Variants in ATP7A observed in about 807,000 individuals in gnomAD.
ATP7A encodes copper-transporting ATPase 1.
ATP7A carries 7 observed loss-of-function variants against 83.5 expected under a neutral mutation model. The observed-to-expected ratio is 0.08, with a 90% CI of 0.05 to 0.16. ATP7A has a LOEUF of 0.16. Among genes scored for constraint, ATP7A ranks in the 10% least tolerant of loss-of-function variants. ATP7A has a pLI of 1.00. For synonymous variants in ATP7A, 354 were observed against 395.2 expected (o/e 0.90, Z 1.24); for missense variants, 940 against 1,120.8 (o/e 0.84, Z 2.30).
intron 2 of ATP7A, chrX:77,975,481 CTTTTTTTTTTTT>C (rs5902757): frequency 1.8e-5 from 1 of 54,798 alleles, no homozygotes; most frequent in African/African-American, 8.5e-5. Context: ...ATTATGCTTA[CTTTTTTTTTTTT>C]TTTTTTTTTT....
chrX:77,981,600 A>G (rs782781028), intron 2 of ATP7A, among the ~76,000 whole-genome samples: 4 of 111,827 alleles, frequency 3.6e-5, no homozygotes, highest in African/African-American at 6.5e-5. Context: ...GCTTGAGACC[A>G]GGAGTTTGAG....
At chrX:77,939,803 G>A (rs1327109152) in intron 1 of ATP7A, among the ~76,000 whole-genome samples, 1 of 108,703 alleles carries the variant, frequency 9.2e-6, no homozygotes, top group East Asian at 2.9e-4. Context: ...TAATCATCTA[G>A]ACAATATAAT....
rs782323741 is a variant in ATP7A, at chrX:78,040,722, A to G, written c.3790A>G (p.Ile1264Val). The change falls in exon 19 of 23, where the codon ATT becomes GTT. Residue 1264 changes from isoleucine (I) to valine (V), a missense_variant. Coordinates refer to ENST00000341514, the MANE Select transcript of ATP7A (RefSeq NM_000052.7). ...AGACAACAGTAAAACAGCTAGATCTATTGCTTCTCAGGTAATTGATAGGGG... is the reference window on the plus strand; with the variant it reads ...AGACAACAGTAAAACAGCTAGATCTGTTGCTTCTCAGGTAATTGATAGGGG... ...TGDNSKTARS[I>V]ASQVGITKVF... 1.3e-5 allele frequency: 16 copies of G among 1,208,859 alleles called. No homozygotes were observed. Among genetic ancestry groups the G allele is most frequent in the African/African-American group, 5.2e-5 (3 of 57,151 alleles).
intron 2 of ATP7A, 47 bp downstream of exon 2, chrX:77,971,808 T>G (rs1407364526): frequency 8.4e-7 from 1 of 1,187,700 alleles, no homozygotes; most frequent in Non-Finnish European, 1.1e-6. Context: ...TGAAGAGAAT[T>G]CTACTAGAAA....
intron 1 of ATP7A, among the ~76,000 whole-genome samples, chrX:77,953,571 A>C (rs1458214767): frequency 5.3e-5 from 6 of 112,300 alleles, no homozygotes; most frequent in Middle Eastern, 4.2e-3. Context: ...CACACTAAAA[A>C]CATGTTTCTA....
At chrX:78,033,360 C>T (rs1471379558) in intron 16 of ATP7A, among the ~76,000 whole-genome samples, 2 of 112,737 alleles carry the variant, frequency 1.8e-5, no homozygotes, top group African/African-American at 6.4e-5. Flanking sequence ...CCGGCTTCTT[C>T]AGCTGGGATT....
rs782104015 is a variant in ATP7A, at chrX:78,012,948, G to A, written c.2242G>A (p.Val748Ile). ...GAAGCATAAGACAGCAAATATGGAC[G>A]TACTGATTGTGCTGGCAACCACCAT... Reference protein sequence around the residue: ...ALKHKTANMDVLIVLATTIAF... With the variant: ...ALKHKTANMDILIVLATTIAF... Residue 748 changes from valine to isoleucine, a missense_variant, in exon 10 of 23, where the codon GTA becomes ATA. By Grantham distance (29) the Val-to-Ile change is conservative (BLOSUM62 3). Transcript: ENST00000341514. 15 of 1,209,704 alleles carry A rather than the reference G, an allele frequency of 1.2e-5. No individual in the cohort carries two copies. Among genetic ancestry groups the A allele is most frequent in the African/African-American group, 8.8e-5 (5 of 57,121 alleles).
At chrX:77,988,148 T>G in intron 2 of ATP7A, 94 bp from the exon 3 acceptor site, 1 of 960,156 alleles carries the variant, frequency 1.0e-6, no homozygotes, top group Non-Finnish European at 1.4e-6. Flanking sequence ...GATTGAGTTG[T>G]CTCACTCTTC....
rs782008914 is a variant in ATP7A at position 78,049,279 on chromosome X, CA to C, written c.*2710del. 1.8e-5 allele frequency: 2 copies of C among 111,800 alleles called. No individual in the cohort carries two copies. The highest frequency in any genetic ancestry group is 3.8e-5 in the Non-Finnish European group (2 of 53,026). The allele number at this position is 111,800 out of a possible 1,213,427, so 9.2% of individuals were successfully genotyped here. A position where few individuals can be genotyped will look rare whatever the true frequency, so the allele number is the denominator to read the frequency against. On this transcript the variant is annotated 3_prime_UTR_variant, in exon 23 of 23. Transcript: ENST00000341514. ...ATTCACATACATATATATATACACACATATATATGTACATACACATACATAC... is the reference window on the plus strand; with the variant it reads ...ATTCACATACATATATATATACACACTATATATGTACATACACATACATAC...
At chrX:77,948,939 T>A (rs1438428573) in intron 1 of ATP7A, among the ~76,000 whole-genome samples, 2 of 111,356 alleles carry the variant, frequency 1.8e-5, no homozygotes, top group Non-Finnish European at 3.8e-5. Flanking sequence ...TCGCCCAGGC[T>A]GGAGTACAGT....
In ATP7A at chrX:77,989,904, C is replaced by T. The variant is rs782260593; in HGVS notation, c.1282C>T (p.Pro428Ser). ...TVEYDPLLTS[P>S]ETLRGAIEDM... ...TGAGTATGATCCTCTACTAACCTCT[C>T]CAGAAACGTTGAGAGGAGCAATAGA... The change falls in exon 4 of 23, where the codon CCA becomes TCA. Residue 428 changes from proline (P) to serine (S), a missense_variant. Physicochemically the swap from Pro to Ser is moderately conservative, Grantham distance 74 (BLOSUM62 -1). Around this residue, in one of 3 missense-constraint regions of ATP7A, gnomAD observed 350 missense variants for 432.8 expected, o/e 0.81. Coordinates refer to ENST00000341514, the MANE Select transcript of ATP7A (RefSeq NM_000052.7). The T allele has an allele frequency of 8.3e-7, 1 of 1,210,498 alleles. No individual in the cohort carries two copies. Among genetic ancestry groups the T allele is most frequent in the East Asian group, 3.0e-5 (1 of 33,841 alleles).
intron 14 of ATP7A, among the ~76,000 whole-genome samples, chrX:78,028,777 T>C (rs1422367845): frequency 8.9e-6 from 1 of 112,691 alleles, no homozygotes; most frequent in African/African-American, 3.2e-5. Context: ...TTAGCAGATA[T>C]ACTTGGTTCA....
rs183723408 is a variant in ATP7A at position 78,048,319 on chromosome X, T to C, written c.*1749T>C. 8.9e-6 allele frequency: 1 copy of C among 112,482 alleles called. No individual in the cohort carries two copies. The highest frequency in any genetic ancestry group is 3.2e-5 in the African/African-American group (1 of 31,035). 9.3% of individuals were successfully genotyped at this position (112,482 alleles called of 1,213,427 possible). A position where few individuals can be genotyped will look rare whatever the true frequency, so the allele number is the denominator to read the frequency against. Reference sequence around the variant, plus strand: ...TCATAAGTAAATTCCTAACATTTTGTTCCCATTACCAGAAGCAAAGCTGCT... The same window carrying C: ...TCATAAGTAAATTCCTAACATTTTGCTCCCATTACCAGAAGCAAAGCTGCT... On this transcript the variant is annotated 3_prime_UTR_variant, in exon 23 of 23. Transcript: ENST00000341514.
intron 4 of ATP7A, among the ~76,000 whole-genome samples, chrX:77,992,251 G>A (rs1163778255): frequency 9.2e-6 from 1 of 108,686 alleles, no homozygotes; most frequent in African/African-American, 3.3e-5. Flanking sequence ...TTTTAGTAGA[G>A]ATGGGGTTTC....
intron 1 of ATP7A, among the ~76,000 whole-genome samples, chrX:77,941,253 A>G (rs1467727898): frequency 8.9e-6 from 1 of 111,746 alleles, no homozygotes; most frequent in African/African-American, 3.2e-5. Context: ...AACAACCTAA[A>G]TGTTAATCAA....
In ATP7A at chrX:77,989,877, G is replaced by T. The variant is rs782635238; in HGVS notation, c.1255G>T (p.Val419Phe). 1 of 1,210,455 alleles carries T rather than the reference G, an allele frequency of 8.3e-7. No individual in the cohort carries two copies. The highest frequency in any genetic ancestry group is 1.1e-6 in the Non-Finnish European group (1 of 894,547). The change falls in exon 4 of 23, where the codon GTT becomes TTT. Residue 419 changes from valine to phenylalanine, a missense_variant. Transcript: ENST00000341514. Reference protein sequence around the residue: ...RVSLANSNGTVEYDPLLTSPE... With the variant: ...RVSLANSNGTFEYDPLLTSPE... ...CTCCCTTGCAAATAGCAATGGGACTGTTGAGTATGATCCTCTACTAACCTC... is the reference window on the plus strand; with the variant it reads ...CTCCCTTGCAAATAGCAATGGGACTTTTGAGTATGATCCTCTACTAACCTC...
At chrX:77,914,603 T>C (rs1452492834) in intron 1 of ATP7A, among the ~76,000 whole-genome samples, 1 of 110,652 alleles carries the variant, frequency 9.0e-6, no homozygotes, top group Non-Finnish European at 1.9e-5. Flanking sequence ...TTTTGCCATG[T>C]TGGTCAGGCT....
chrX:77,948,100 T>TATTCATTC (rs56093900), intron 1 of ATP7A, among the ~76,000 whole-genome samples: 10 of 89,762 alleles, frequency 1.1e-4, no homozygotes, highest in African/African-American at 4.1e-4. Context: ...TTTATTTATT[T>TATTCATTC]ATTCATTCAT....
chrX:77,969,305 C>A (rs782627883), intron 1 of ATP7A: 1 of 1,211,869 alleles, frequency 8.3e-7, no homozygotes, highest in East Asian at 3.0e-5. Flanking sequence ...CAGATCTTCA[C>A]CTGGGCCTCA....
Sources: gnomAD v4.1 joint callset for allele counts (sites outside exome capture counted in the v4.1 genomes callset) on GRCh38, gnomAD v4.1.1 for gene constraint, gnomAD v4.1.1 regional missense constraint, MANE v1.5 for transcripts, NCBI Gene and HGNC (gene_info 2026-07-23, HGNC 2026-07-21) for gene names.